The following RNLS variants were observed in gnomAD, a reference collection of about 807,000 sequenced individuals.
RNLS encodes the protein renalase, FAD dependent amine oxidase, also known as renalase.
RNLS carries 39 observed loss-of-function variants against 39.8 expected under a neutral mutation model. The observed-to-expected ratio is 0.98, with a 90% CI of 0.76 to 1.28. RNLS has a LOEUF of 1.28. Among genes scored for constraint, RNLS ranks in the 50% most tolerant of loss-of-function variants. RNLS has a pLI of 0.00. For missense variants in RNLS, 410 were observed against 413.3 expected, an observed-to-expected ratio of 0.99 and a Z score of 0.07; for synonymous variants, 147 against 150.7, an observed-to-expected ratio of 0.98 and a Z score of 0.18.
chr10:88,476,450 A>T (rs543098219), intron 4 of RNLS, among the ~76,000 whole-genome samples: 1 of 152,320 alleles, frequency 6.6e-6, no homozygotes, highest in African/African-American at 2.4e-5. Context: ...CTATTCTTTT[A>T]TCCATGCTGT....
At chr10:88,374,127 G>A (rs1325442666) in intron 4 of RNLS, among the ~76,000 whole-genome samples, 1 of 151,946 alleles carries the variant, frequency 6.6e-6, no homozygotes, top group Non-Finnish European at 1.5e-5. Flanking sequence ...CAGGAAAAGA[G>A]TTCAATAAAA....
the RNLS span, among the ~76,000 whole-genome samples, chr10:88,256,489 C>T: frequency 6.6e-6 from 1 of 152,328 alleles, no homozygotes; most frequent in Non-Finnish European, 1.5e-5. Flanking sequence ...GGAACTCGGC[C>T]TGAAAACCTT....
chr10:88,178,451 G>A, the RNLS span, among the ~76,000 whole-genome samples: 1 of 152,074 alleles, frequency 6.6e-6, no homozygotes, highest in Non-Finnish European at 1.5e-5. Flanking sequence ...AAGTCTGTGA[G>A]GACTCTCCTG....
At chr10:88,325,300 T>G (rs1055399678) in intron 5 of RNLS, among the ~76,000 whole-genome samples, 1 of 151,800 alleles carries the variant, frequency 6.6e-6, no homozygotes, top group Non-Finnish European at 1.5e-5. Flanking sequence ...CACCAATACT[T>G]ATTTGCTGTT....
intron 6 of RNLS, among the ~76,000 whole-genome samples, chr10:88,286,030 T>C (rs1843240708): frequency 6.6e-6 from 1 of 152,128 alleles, no homozygotes; most frequent in Non-Finnish European, 1.5e-5. Flanking sequence ...ACACTGGATC[T>C]GCCAGTGCCT....
At chr10:88,292,994 G>T (rs187863745) in intron 6 of RNLS, among the ~76,000 whole-genome samples, 133 of 152,168 alleles carry the variant, frequency 8.7e-4, no homozygotes, top group African/African-American at 3.1e-3. Context: ...GGTTGCAGTG[G>T]GCTGAGATCA....
chr10:88,352,881 T>A (rs1308994380), intron 5 of RNLS, among the ~76,000 whole-genome samples: 1 of 152,228 alleles, frequency 6.6e-6, no homozygotes, highest in Non-Finnish European at 1.5e-5. Flanking sequence ...TTTCAGAGCC[T>A]GTTATTGGTC....
intron 4 of RNLS, among the ~76,000 whole-genome samples, chr10:88,541,624 G>C (rs1477702077): frequency 6.6e-6 from 1 of 152,150 alleles, no homozygotes; most frequent in Non-Finnish European, 1.5e-5. Flanking sequence ...AGGGTGAAAA[G>C]ATTATGTTTT....
intron 3 of RNLS, among the ~76,000 whole-genome samples, chr10:88,577,269 T>A (rs1850265490): frequency 6.6e-6 from 1 of 152,154 alleles, no homozygotes; most frequent in Non-Finnish European, 1.5e-5. Flanking sequence ...ATGGGTACAA[T>A]CTTCATACTA....
chr10:88,411,207 T>C (rs1853633698), intron 4 of RNLS, among the ~76,000 whole-genome samples: 1 of 152,190 alleles, frequency 6.6e-6, no homozygotes, highest in South Asian at 2.1e-4. Context: ...TGAGATTATG[T>C]TTTCTTAAAT....
intron 4 of RNLS, among the ~76,000 whole-genome samples, chr10:88,414,076 G>T (rs1238594541): frequency 1.3e-5 from 2 of 151,994 alleles, no homozygotes; most frequent in Non-Finnish European, 2.9e-5. Flanking sequence ...CCATTTTAAA[G>T]ACATTTTAGG....
At chr10:88,526,712 G>C (rs940464506) in intron 4 of RNLS, among the ~76,000 whole-genome samples, 4 of 151,664 alleles carry the variant, frequency 2.6e-5, no homozygotes, top group Non-Finnish European at 5.9e-5. Flanking sequence ...GTTACAGTGA[G>C]CTGGAATCAC....
At chr10:88,446,474 C>T (rs1462159016) in intron 4 of RNLS, among the ~76,000 whole-genome samples, 1 of 152,042 alleles carries the variant, frequency 6.6e-6, no homozygotes, top group Non-Finnish European at 1.5e-5. Context: ...CAGAGCAGAA[C>T]TGAAGGAGAT....
the RNLS span, among the ~76,000 whole-genome samples, chr10:88,190,358 C>T: frequency 6.6e-6 from 1 of 152,276 alleles, no homozygotes; most frequent in African/African-American, 2.4e-5. Context: ...CTGCCTACAC[C>T]CTGGCCTGAC....
chr10:88,177,162 T>G, the RNLS span, among the ~76,000 whole-genome samples: 1 of 152,196 alleles, frequency 6.6e-6, no homozygotes, highest in African/African-American at 2.4e-5. Flanking sequence ...ATTATTTTAT[T>G]AGTTATTTTT....
intron 4 of RNLS, among the ~76,000 whole-genome samples, chr10:88,530,781 A>G (rs1847379537): frequency 6.6e-6 from 1 of 152,082 alleles, no homozygotes; most frequent in Non-Finnish European, 1.5e-5. Context: ...AAAATATAAC[A>G]TTTTTCTCAC....
chr10:88,577,933 T>C (rs1032331881), intron 3 of RNLS, among the ~76,000 whole-genome samples: 1 of 152,194 alleles, frequency 6.6e-6, no homozygotes, highest in Non-Finnish European at 1.5e-5. Context: ...AGACAAATAA[T>C]TGCCCTGGGA....
At chr10:88,268,915 G>A (rs1466301080), downstream of RNLS, among the ~76,000 whole-genome samples, 1 of 152,216 alleles carries the variant, frequency 6.6e-6, no homozygotes, top group African/African-American at 2.4e-5. Context: ...AGGCTTAGGG[G>A]TTCTGACCAC....
At chr10:88,217,234 G>A in the RNLS span, among the ~76,000 whole-genome samples, 4 of 152,176 alleles carry the variant, frequency 2.6e-5, no homozygotes, top group Non-Finnish European at 4.4e-5. Context: ...AGAAAACAAG[G>A]AAGAAGCAGC....
Sources: gnomAD v4.1 joint callset for allele counts (sites outside exome capture counted in the v4.1 genomes callset) on GRCh38, gnomAD v4.1.1 for gene constraint, MANE v1.5 for transcripts, NCBI Gene and HGNC (gene_info 2026-07-23, HGNC 2026-07-21) for gene names.